The following MYOF variants were observed in gnomAD, a reference collection of about 807,000 sequenced individuals.
The protein encoded by MYOF is myoferlin.
Under a neutral mutation model 284.2 loss-of-function variants are expected in MYOF, and 244 were observed. The ratio of observed to expected loss-of-function variants is 0.86; its 90% CI spans 0.77 to 0.95. The LOEUF (loss-of-function observed/expected upper bound fraction) is 0.95, where lower values mean the gene tolerates loss of function less well. Among genes scored for constraint, MYOF ranks in the 40% least tolerant of loss-of-function variants. The pLI is 0.00. For synonymous variants in MYOF, 904 were observed against 919.7 expected, an observed-to-expected ratio of 0.98 and a Z score of 0.31; for missense variants, 2,496 against 2,560.6, an observed-to-expected ratio of 0.97 and a Z score of 0.54.
At chr10:93,332,274 G>A (rs1338264785) in intron 43 of MYOF, among the ~76,000 whole-genome samples, 1 of 151,512 alleles carries the variant, frequency 6.6e-6, no homozygotes, top group Non-Finnish European at 1.5e-5. Context: ...CCAGGCTGGA[G>A]TGCAATGGCG....
intron 3 of MYOF, among the ~76,000 whole-genome samples, chr10:93,434,389 C>A (rs903101235): frequency 1.3e-5 from 2 of 149,914 alleles, no homozygotes; most frequent in Non-Finnish European, 3.0e-5. Flanking sequence ...CAAGATCAGG[C>A]CACTGCACTC....
At chr10:93,336,386 A>G (rs191992778) in intron 40 of MYOF, among the ~76,000 whole-genome samples, 6 of 152,146 alleles carry the variant, frequency 3.9e-5, no homozygotes, top group Admixed American at 3.9e-4. Flanking sequence ...ATGGAATACT[A>G]CTCAGCAATG....
chr10:93,333,930 G>A lies in MYOF; in HGVS notation c.4564-17C>T, dbSNP rs1843474226. The A allele has an allele frequency of 6.2e-7, 1 of 1,611,780 alleles. No homozygotes were observed. ...AAAGGAGCCCTAAAAGAGAGAGACA[G>A]AAGGACTCACAGGGCCCTGGGTGGC... On this transcript the variant is annotated splice_polypyrimidine_tract_variant and intron_variant, in intron 41 of 53. Coordinates refer to ENST00000359263, the MANE Select transcript of MYOF (RefSeq NM_013451.4).
chr10:93,320,123 C>A, intron 48 of MYOF, 110 bp from the exon 49 acceptor site: 1 of 1,315,948 alleles, frequency 7.6e-7, no homozygotes, highest in South Asian at 1.4e-5. Context: ...ATGCACTTTT[C>A]TTGGGCAGAT....
rs58503520 is a variant in MYOF, at chr10:93,428,566, AACACACACACACACACACACACAC to A, written c.346-2432_346-2409del. Among the ~76,000 whole-genome samples the A allele has an allele frequency of 8.3e-5, 12 of 143,922 alleles. No individual in the cohort carries two copies. In the South Asian group the frequency reaches 1.4e-3, roughly 17 times the overall value. 94.4% of individuals were successfully genotyped at this position (143,922 alleles called of 152,430 possible). A position where few individuals can be genotyped will look rare whatever the true frequency, so the allele number is the denominator to read the frequency against. ...TTTGCCACTTTTCCTACATCTGGTA[AACACACACACACACACACACACAC>A]ACACACACACACACACACACAGTGC... On this transcript the variant is annotated intron_variant, in intron 4 of 53. Coordinates refer to ENST00000359263, the MANE Select transcript of MYOF (RefSeq NM_013451.4).
At position 93,374,878 on chromosome 10, in the gene MYOF, G is replaced by A; in HGVS notation, c.2186C>T (p.Ser729Phe). 2 of 1,614,162 alleles carry A rather than the reference G, an allele frequency of 1.2e-6. No individual in the cohort carries two copies. The highest frequency in any genetic ancestry group is 1.7e-6 in the Non-Finnish European group (2 of 1,180,028). ...DTQIRKLRSRSLSQIHEAAVR... is the reference protein window; with the variant it reads ...DTQIRKLRSRFLSQIHEAAVR... ...AGCCGCCTCATGTATTTGGGAGAGAGACCTGGACCGCAGCTTTCGGATCTG... is the reference window on the plus strand; with the variant it reads ...AGCCGCCTCATGTATTTGGGAGAGAAACCTGGACCGCAGCTTTCGGATCTG... The change falls in exon 23 of 54, where the codon TCT (serine) becomes TTT (phenylalanine). Residue 729 changes from serine (S) to phenylalanine (F), a missense_variant. By Grantham distance (155) the Ser-to-Phe change is radical. Around this residue, in one of 3 missense-constraint regions of MYOF, gnomAD observed 2,436 missense variants for 2,480.7 expected, o/e 0.98. Transcript: ENST00000359263.
At chr10:93,370,849 T>C (rs1446772458) in intron 24 of MYOF, among the ~76,000 whole-genome samples, 1 of 147,034 alleles carries the variant, frequency 6.8e-6, no homozygotes, top group African/African-American at 2.5e-5. Context: ...TTATTCCAAT[T>C]TGAGTATGGG....
In MYOF at chr10:93,393,596, T is replaced by G. The variant is rs143793756; in HGVS notation, c.1418-641A>C. ...TGCTTATGCCACTATTTCTGAATAATTATCTTTAGATATTATTTAATGACT... is the reference window on the plus strand; with the variant it reads ...TGCTTATGCCACTATTTCTGAATAAGTATCTTTAGATATTATTTAATGACT... On this transcript the variant is annotated intron_variant, in intron 16 of 53. Transcript: ENST00000359263. Among the ~76,000 whole-genome samples, 620 of 152,382 alleles carry G rather than the reference T, an allele frequency of 4.1e-3. 2 individuals carry two copies. The highest frequency in any genetic ancestry group is 0.014 in the African/African-American group (586 of 41,592).
Position 93,387,913 on chromosome 10 carries a change from C to G in MYOF, c.1582G>C (p.Gly528Arg). The G allele has an allele frequency of 6.2e-7, 1 of 1,609,958 alleles. No individual in the cohort carries two copies. ...CTGCCTCTGTAGGCAACTCCTTCCC[C>G]CTGAAAGGCAATAATCCAGGATTAT... ...DPYDELNTGK[G>R]EGVAYRGRIL... Residue 528 changes from glycine to arginine, a missense_variant and splice_region_variant, in exon 19 of 54, where the codon GGG becomes CGG. By Grantham distance (125) the Gly-to-Arg change is moderately radical (BLOSUM62 -2). This residue lies in a region of MYOF where 2,436 missense variants were observed against 2,480.7 expected (regional missense o/e 0.98). Transcript: ENST00000359263.
chr10:93,451,354 C>T (rs2056585400), intron 3 of MYOF, among the ~76,000 whole-genome samples: 1 of 152,020 alleles, frequency 6.6e-6, no homozygotes, highest in Non-Finnish European at 1.5e-5. Flanking sequence ...CCTTTAGTCT[C>T]TTGTGAACTT....
chr10:93,443,626 C>A (rs1171293998), intron 3 of MYOF, among the ~76,000 whole-genome samples: 5 of 152,120 alleles, frequency 3.3e-5, no homozygotes, highest in African/African-American at 1.2e-4. Flanking sequence ...TCTTGCATTG[C>A]AGCATGGAAA....
chr10:93,450,812 G>C (rs984294897), intron 3 of MYOF, among the ~76,000 whole-genome samples: 2 of 152,074 alleles, frequency 1.3e-5, no homozygotes, highest in African/African-American at 4.8e-5. Flanking sequence ...AAACTGAAAT[G>C]CTTCTTACAA....
intron 22 of MYOF, among the ~76,000 whole-genome samples, chr10:93,375,299 A>T (rs1015323278): frequency 6.6e-6 from 1 of 152,238 alleles, no homozygotes; most frequent in African/African-American, 2.4e-5. Context: ...GCTTCCTAGA[A>T]TCATTTTACA....
In MYOF at chr10:93,374,926, G is replaced by C. The variant is rs572081809; in HGVS notation, c.2138C>G (p.Ala713Gly). 1 of 1,613,648 alleles carries C rather than the reference G, an allele frequency of 6.2e-7. No homozygotes were observed. Among genetic ancestry groups the C allele is most frequent in the East Asian group, 2.2e-5 (1 of 44,886 alleles). The part of the protein sequence containing the change: ...RYTLPLTEGK[A>G]NVTVLDTQIR... ...CTGAGTATCGAGAACTGTGACGTTG[G>C]CTTTTCCTTCTGTGAGAGGCAACGT... Residue 713 changes from alanine (A) to glycine (G), a missense_variant, in exon 23 of 54, where the codon GCC becomes GGC. This residue lies in a region of MYOF where 2,436 missense variants were observed against 2,480.7 expected (regional missense o/e 0.98). Transcript: ENST00000359263.
chr10:93,372,419 C>T (rs1026912332), intron 24 of MYOF, among the ~76,000 whole-genome samples: 3 of 152,120 alleles, frequency 2.0e-5, no homozygotes, highest in Non-Finnish European at 2.9e-5. Flanking sequence ...CTGTGGCTCT[C>T]GTCAGGCACT....
rs1049753476 is a variant in MYOF, at chr10:93,397,181, G to A, written c.1334+66C>T. ...AAATACCAGAAAGAGACAATCCAGA[G>A]TAATGTTTCACAATATCCAATGTTT... On this transcript the variant is annotated intron_variant, in intron 15 of 53. Coordinates refer to ENST00000359263, the MANE Select transcript of MYOF (RefSeq NM_013451.4). 201 of 1,340,220 alleles carry A rather than the reference G, an allele frequency of 1.5e-4. No individual in the cohort carries two copies. The Middle Eastern group carries it at 1.6e-3, about 10-fold the overall frequency. The allele number at this position is 1,340,220 out of a possible 1,614,324, so 83.0% of individuals were successfully genotyped here.
At chr10:93,349,533 AATAG>A (rs1844402805) in intron 36 of MYOF, among the ~76,000 whole-genome samples, 1 of 152,394 alleles carries the variant, frequency 6.6e-6, no homozygotes, top group African/African-American at 2.4e-5. Context: ...AACAGCTTGT[AATAG>A]ATAGCTGAAT....
intron 4 of MYOF, among the ~76,000 whole-genome samples, chr10:93,429,548 G>A (rs528000309): frequency 6.6e-6 from 1 of 152,288 alleles, no homozygotes; most frequent in Non-Finnish European, 1.5e-5. Context: ...CTCTCAGCTA[G>A]GTTTTGGGTA....
At chr10:93,456,008 A>C (rs1436386713) in intron 2 of MYOF, among the ~76,000 whole-genome samples, 2 of 152,244 alleles carry the variant, frequency 1.3e-5, no homozygotes, top group African/African-American at 4.8e-5. Flanking sequence ...CCACTTCTAA[A>C]ATAGATATAA....
Sources: gnomAD v4.1 joint callset for allele counts (sites outside exome capture counted in the v4.1 genomes callset) on GRCh38, gnomAD v4.1.1 for gene constraint, gnomAD v4.1.1 regional missense constraint, MANE v1.5 for transcripts, NCBI Gene and HGNC (gene_info 2026-07-23, HGNC 2026-07-21) for gene names.